Variants in SYNPR observed in about 807,000 individuals in gnomAD.
The protein encoded by SYNPR is synaptoporin.
SYNPR carries 23 observed loss-of-function variants against 32.9 expected under a neutral mutation model. The ratio of observed to expected loss-of-function variants is 0.70; its 90% CI spans 0.50 to 0.99. The LOEUF (loss-of-function observed/expected upper bound fraction) is 0.99. SYNPR is among the 50% of genes least tolerant of loss of function. SYNPR has a pLI of 0.00. For synonymous variants in SYNPR, 146 were observed against 135.9 expected (o/e 1.07, Z -0.52); for missense variants, 318 against 349.3 (o/e 0.91, Z 0.71).
chr3:63,539,387 G>T (rs1702261774), intron 3 of SYNPR, among the ~76,000 whole-genome samples: 1 of 152,070 alleles, frequency 6.6e-6, no homozygotes, highest in Non-Finnish European at 1.5e-5. Context: ...TCCCAAACTT[G>T]AACCTAACAG....
chr3:63,319,303 A>G (rs1047037247), intron 2 of SYNPR, among the ~76,000 whole-genome samples: 1 of 152,106 alleles, frequency 6.6e-6, no homozygotes, highest in African/African-American at 2.4e-5. Context: ...TTATGACAAT[A>G]TCAGACTATT....
intron 2 of SYNPR, among the ~76,000 whole-genome samples, chr3:63,290,594 G>T (rs1054271018): frequency 6.6e-6 from 1 of 151,778 alleles, no homozygotes; most frequent in Non-Finnish European, 1.5e-5. Flanking sequence ...TTTATTCACT[G>T]ATCCGTTGTA....
upstream of SYNPR, among the ~76,000 whole-genome samples, chr3:63,275,500 A>G (rs1467778999): frequency 2.0e-5 from 3 of 152,212 alleles, no homozygotes; most frequent in East Asian, 3.8e-4. Flanking sequence ...ATATGCCACC[A>G]TATTAGTCAG....
At chr3:63,294,403 A>G (rs1245142777) in intron 2 of SYNPR, among the ~76,000 whole-genome samples, 2 of 152,178 alleles carry the variant, frequency 1.3e-5, no homozygotes, top group African/African-American at 4.8e-5. Flanking sequence ...TAATTTTGCA[A>G]TGAGATTGTA....
chr3:63,306,573 T>C (rs2086913085), intron 2 of SYNPR, among the ~76,000 whole-genome samples: 1 of 151,816 alleles, frequency 6.6e-6, no homozygotes, highest in Non-Finnish European at 1.5e-5. Context: ...TTGTAGATGG[T>C]CCATTAAAAT....
intron 3 of SYNPR, among the ~76,000 whole-genome samples, chr3:63,522,624 G>A (rs1446905815): frequency 6.6e-6 from 1 of 152,166 alleles, no homozygotes; most frequent in Non-Finnish European, 1.5e-5. Context: ...AGGTTTCCCA[G>A]GTGATTCTAA....
rs78148147 is a variant in SYNPR at position 63,514,308 on chromosome 3, G to A, written c.209+33352G>A. ...GGGAAAAAAAAGCAGGTGTTGAGAT[G>A]CTTGTCTTCAGGGTGAGTAACGTGC... On this transcript the variant is annotated intron_variant, in intron 3 of 5. Transcript: ENST00000478300. Among the ~76,000 whole-genome samples the A allele has an allele frequency of 7.9e-5, 12 of 152,326 alleles. No homozygotes were observed. The East Asian group carries it at 2.1e-3, about 27-fold the overall frequency.
Position 63,431,741 on chromosome 3 carries a change from C to T in SYNPR, c.85-49091C>T, listed in dbSNP as rs570532433. 6.7e-5 allele frequency among the ~76,000 whole-genome samples: 10 copies of T among 148,242 alleles called. No homozygotes were observed. In the South Asian group the frequency reaches 8.4e-4, roughly 12 times the overall value. On this transcript the variant is annotated intron_variant, in intron 2 of 5. Transcript: ENST00000478300. ...GCCCATTAAAAACAAAACCAACAAA[C>T]GAAAAGAAAAAAAAAATCACTGAGA...
chr3:63,224,637 G>A (rs1246323872), upstream of SYNPR, among the ~76,000 whole-genome samples: 1 of 152,196 alleles, frequency 6.6e-6, no homozygotes, highest in African/African-American at 2.4e-5. Flanking sequence ...CAGAGTCTGT[G>A]CCTGGGACCT....
At chr3:63,267,077 G>C (rs2106905874) in intron 2 of SYNPR, among the ~76,000 whole-genome samples, 1 of 152,274 alleles carries the variant, frequency 6.6e-6, no homozygotes, top group Admixed American at 6.5e-5. Flanking sequence ...TTATAGAAGT[G>C]CACTGAGCTC....
intron 2 of SYNPR, among the ~76,000 whole-genome samples, chr3:63,436,626 C>T (rs879861205): frequency 1.3e-5 from 2 of 152,044 alleles, no homozygotes; most frequent in African/African-American, 2.4e-5. Flanking sequence ...GGAATTATTG[C>T]CTGAGATCCA....
chr3:63,442,310 A>T (rs1479479335), intron 2 of SYNPR, among the ~76,000 whole-genome samples: 2 of 152,154 alleles, frequency 1.3e-5, no homozygotes, highest in Non-Finnish European at 2.9e-5. Context: ...ACTCCAAATT[A>T]ACAACAAATT....
chr3:63,328,946 T>A (rs1004875400), intron 2 of SYNPR, among the ~76,000 whole-genome samples: 1 of 152,200 alleles, frequency 6.6e-6, no homozygotes. Context: ...CATCGCACAA[T>A]ATGTTTATTT....
chr3:63,301,743 A>G (rs1202696374), intron 2 of SYNPR, among the ~76,000 whole-genome samples: 2 of 152,102 alleles, frequency 1.3e-5, no homozygotes, highest in Non-Finnish European at 2.9e-5. Context: ...AATTTTCTGT[A>G]GAAGCTTAGC....
intron 3 of SYNPR, among the ~76,000 whole-genome samples, chr3:63,551,642 T>C (rs1177109084): frequency 6.6e-6 from 1 of 152,190 alleles, no homozygotes; most frequent in East Asian, 1.9e-4. Flanking sequence ...TGAAGTAGTA[T>C]CTCATTGTGC....
intron 4 of SYNPR, among the ~76,000 whole-genome samples, chr3:63,602,755 A>C (rs1235184586): frequency 6.6e-6 from 1 of 152,206 alleles, no homozygotes; most frequent in Non-Finnish European, 1.5e-5. Context: ...GTAGCCTTAT[A>C]GTATAGCTTG....
chr3:63,481,537 A>G (rs1210657073), intron 3 of SYNPR, among the ~76,000 whole-genome samples: 1 of 152,028 alleles, frequency 6.6e-6, no homozygotes, highest in Non-Finnish European at 1.5e-5. Flanking sequence ...GTGATGAATC[A>G]TCATAGAGAC....
chr3:63,557,946 G>T (rs980460582), intron 4 of SYNPR, among the ~76,000 whole-genome samples: 2 of 152,240 alleles, frequency 1.3e-5, no homozygotes, highest in South Asian at 4.1e-4. Context: ...CAATGTGGCA[G>T]TGTTAGGAGG....
At chr3:63,477,533 A>G (rs567599579) in intron 2 of SYNPR, among the ~76,000 whole-genome samples, 4 of 152,206 alleles carry the variant, frequency 2.6e-5, no homozygotes, top group African/African-American at 9.6e-5. Context: ...GGTAAATGAG[A>G]CATGGCTTTA....
Sources: gnomAD v4.1 joint callset for allele counts (sites outside exome capture counted in the v4.1 genomes callset) on GRCh38, gnomAD v4.1.1 for gene constraint, MANE v1.5 for transcripts, NCBI Gene and HGNC (gene_info 2026-07-23, HGNC 2026-07-21) for gene names.